Variants in CASQ2 observed in about 807,000 individuals in gnomAD.
CASQ2 encodes calsequestrin-2.
CASQ2 carries 49 observed loss-of-function variants against 46.5 expected under a neutral mutation model. The observed-to-expected ratio is 1.05, with a 90% CI of 0.84 to 1.34. The LOEUF is 1.34. CASQ2 is among the 40% of genes most tolerant of loss of function. CASQ2 has a pLI of 0.00. For missense variants in CASQ2, 486 were observed against 481.3 expected (o/e 1.01, Z -0.09); for synonymous variants, 174 against 168.5 (o/e 1.03, Z -0.25).
At chr1:115,732,717 T>C (rs1188968611) in intron 5 of CASQ2, among the ~76,000 whole-genome samples, 184 bp downstream of exon 5, 1 of 152,188 alleles carries the variant, frequency 6.6e-6, no homozygotes, top group Non-Finnish European at 1.5e-5. Context: ...TCCTCTGACT[T>C]AGTCATCTTT....
chr1:115,717,696 C>T, intron 8 of CASQ2, 144 bp downstream of exon 8: 1 of 761,572 alleles, frequency 1.3e-6, no homozygotes, highest in South Asian at 1.4e-5. Flanking sequence ...CGAACTCATA[C>T]TTAATGGGCG....
In CASQ2 at chr1:115,727,131, A is replaced by G. The variant is rs1431661490; in HGVS notation, c.607-9T>C. On this transcript the variant is annotated splice_polypyrimidine_tract_variant and intron_variant, in intron 5 of 10. Coordinates refer to ENST00000261448, the MANE Select transcript of CASQ2 (RefSeq NM_001232.4). Reference sequence around the variant, plus strand: ...GATAATTTCTTTGCAACCTGTAACCATTAGAAATAAGACAAAGTTTATTTG... The same window carrying G: ...GATAATTTCTTTGCAACCTGTAACCGTTAGAAATAAGACAAAGTTTATTTG... 9 of 1,605,358 alleles carry G rather than the reference A, an allele frequency of 5.6e-6. No individual in the cohort carries two copies. Among genetic ancestry groups the G allele is most frequent in the Non-Finnish European group, 7.7e-6 (9 of 1,172,382 alleles).
At position 115,761,519 on chromosome 1, in the gene CASQ2, A is replaced by G. The variant is rs148694705; in HGVS notation, c.234+6789T>C. ...AAGGAGAAGAAGAAGAAGAAGAAGA[A>G]GAAGAAGAAGAGTTCATAAAGTGCA... On this transcript the variant is annotated intron_variant, in intron 1 of 10. Coordinates refer to ENST00000261448, the MANE Select transcript of CASQ2 (RefSeq NM_001232.4). Among the ~76,000 whole-genome samples the G allele has an allele frequency of 5.3e-4, 58 of 109,214 alleles. 1 individual carries two copies. In the East Asian group the frequency reaches 0.017, roughly 33 times the overall value. The allele number at this position is 109,214 out of a possible 152,430, so 71.6% of individuals were successfully genotyped here.
intron 9 of CASQ2, 68 bp downstream of exon 9, chr1:115,705,124 C>T: frequency 9.8e-7 from 1 of 1,015,422 alleles, no homozygotes; most frequent in Non-Finnish European, 1.6e-6. Flanking sequence ...TTCACCTCCT[C>T]AGATGCTGAA....
intron 3 of CASQ2, 128 bp downstream of exon 3, chr1:115,740,600 T>C (rs993270740): frequency 3.3e-5 from 23 of 694,934 alleles, no homozygotes; most frequent in South Asian, 2.4e-4. Context: ...CTTAGTTTTT[T>C]GTGAATCCTG....
Position 115,740,715 on chromosome 1 carries a change from T to C in CASQ2, c.420+13A>G, listed in dbSNP as rs1648146201. On this transcript the variant is annotated intron_variant, in intron 3 of 10. Transcript: ENST00000261448. Reference sequence around the variant, plus strand: ...GGCAGCTCCATGCAGGGTCACTGTGTATAAATACTTACATCCAAGAGGAAC... The same window carrying C: ...GGCAGCTCCATGCAGGGTCACTGTGCATAAATACTTACATCCAAGAGGAAC... 1 of 1,531,876 alleles carries C rather than the reference T, an allele frequency of 6.5e-7. No homozygotes were observed. Among genetic ancestry groups the C allele is most frequent in the Non-Finnish European group, 9.1e-7 (1 of 1,104,852 alleles). The allele number at this position is 1,531,876 out of a possible 1,614,324, so 94.9% of individuals were successfully genotyped here. A position where few individuals can be genotyped will look rare whatever the true frequency, so the allele number is the denominator to read the frequency against.
At chr1:115,750,515 C>A (rs753849988) in intron 1 of CASQ2, among the ~76,000 whole-genome samples, 1 of 152,118 alleles carries the variant, frequency 6.6e-6, no homozygotes, top group Non-Finnish European at 1.5e-5. Context: ...AGGTTTTGTT[C>A]TGTTTTGTTT....
At position 115,723,293 on chromosome 1, in the gene CASQ2, A is replaced by ATGTCTATCTATTTATC. The variant is rs751196924; in HGVS notation, c.783+2214_783+2215insGATAAATAGATAGACA. On this transcript the variant is annotated intron_variant, in intron 7 of 10. Coordinates refer to ENST00000261448, the MANE Select transcript of CASQ2 (RefSeq NM_001232.4). ...ATCTATCATCTATCTATATCTCTCT[A>ATGTCTATCTATTTATC]TATCTATCTATTTATCTATCTATCT... is the stretch of plus-strand genomic sequence containing the variant. Among the ~76,000 whole-genome samples, 2 of 74,406 alleles carry ATGTCTATCTATTTATC rather than the reference A, an allele frequency of 2.7e-5. 1 individual carries two copies. Among genetic ancestry groups the ATGTCTATCTATTTATC allele is most frequent in the African/African-American group, 1.1e-4 (2 of 18,550 alleles). 48.8% of individuals were successfully genotyped at this position (74,406 alleles called of 152,430 possible).
Position 115,705,632 on chromosome 1 carries a change from A to G in CASQ2, c.839-340T>C, listed in dbSNP as rs907799723. 6.6e-5 allele frequency among the ~76,000 whole-genome samples: 10 copies of G among 152,308 alleles called. No homozygotes were observed. The East Asian group carries it at 1.3e-3, about 21-fold the overall frequency. On this transcript the variant is annotated intron_variant, in intron 8 of 10. Transcript: ENST00000261448. ...TGCCTGTCCTTACTGATCCTGTGCG[A>G]TCTCTTGAAACAGATGCTTTGCTGT...
At position 115,731,565 on chromosome 1, in the gene CASQ2, C is replaced by CT. The variant is rs1362642711; in HGVS notation, c.606+1335dup. On this transcript the variant is annotated intron_variant, in intron 5 of 10. Transcript: ENST00000261448. ...TATGAACAATGGTGCTCATAGCTGG[C>CT]TAACTATTACTGAATGCTTCCTGTG... Among the ~76,000 whole-genome samples the CT allele has an allele frequency of 7.9e-5, 12 of 152,342 alleles. No homozygotes were observed. In the East Asian group the frequency reaches 2.3e-3, roughly 29 times the overall value.
rs756636650 is a variant in CASQ2 at position 115,768,427 on chromosome 1, C to T, written c.115G>A (p.Glu39Lys). ...DGKDRVVSLS[E>K]KNFKQVLKKY... is the part of the protein sequence containing the mutation. ...TTTAAAACCTGCTTGAAGTTCTTCT[C>T]GGAAAGACTTACCACTCGGTCCTTC... The change falls in exon 1 of 11, where the codon GAG becomes AAG. Residue 39 changes from glutamate to lysine, a missense_variant. Transcript: ENST00000261448. 19 of 1,613,528 alleles carry T rather than the reference C, an allele frequency of 1.2e-5. No individual in the cohort carries two copies. The South Asian group carries it at 1.3e-4, about 11-fold the overall frequency.
intron 1 of CASQ2, among the ~76,000 whole-genome samples, chr1:115,747,697 A>T (rs1258726815): frequency 6.6e-6 from 1 of 152,214 alleles, no homozygotes. Context: ...ACATTTTGTT[A>T]GATTTATATC....
chr1:115,739,823 T>C (rs1247660099), intron 3 of CASQ2, among the ~76,000 whole-genome samples: 1 of 152,248 alleles, frequency 6.6e-6, no homozygotes, highest in Admixed American at 6.5e-5. Flanking sequence ...TTGTTTATTG[T>C]TTGAAGCAGT....
intron 2 of CASQ2, among the ~76,000 whole-genome samples, chr1:115,742,579 C>A (rs1304233242): frequency 2.6e-5 from 4 of 152,184 alleles, no homozygotes; most frequent in Non-Finnish European, 4.4e-5. Flanking sequence ...CCATCATATT[C>A]TTTGCTAGTC....
chr1:115,720,630 T>G (rs1647335511), intron 7 of CASQ2, among the ~76,000 whole-genome samples: 1 of 152,184 alleles, frequency 6.6e-6, no homozygotes, highest in East Asian at 1.9e-4. Flanking sequence ...GACCTGTATA[T>G]AAAGTAACTG....
Position 115,702,912 on chromosome 1 carries a change from G to A in CASQ2, c.1014+9C>T, listed in dbSNP as rs77775029. ...GGTGCCTGAGCAAGCCTTCACAGGG[G>A]ATACTCACATCTGTGACATTCACCA... On this transcript the variant is annotated intron_variant, in intron 10 of 10. Coordinates refer to ENST00000261448, the MANE Select transcript of CASQ2 (RefSeq NM_001232.4). 4.0e-3 allele frequency: 6,398 copies of A among 1,609,258 alleles called. 187 individuals are homozygous for A. In the African/African-American group the frequency reaches 0.067, roughly 17 times the overall value.
chr1:115,709,352 T>C lies in CASQ2; in HGVS notation c.839-4060A>G, dbSNP rs183741353. The stretch of plus-strand genomic sequence containing the variant: ...ATGTTAAGCAAGGACTAGTCCACTG[T>C]TAAAATTACATGGATGAATGACTGA... On this transcript the variant is annotated intron_variant, in intron 8 of 10. Coordinates refer to ENST00000261448, the MANE Select transcript of CASQ2 (RefSeq NM_001232.4). Among the ~76,000 whole-genome samples, 261 of 152,326 alleles carry C rather than the reference T, an allele frequency of 1.7e-3. 1 individual carries two copies. The highest frequency in any genetic ancestry group is 6.1e-3 in the African/African-American group (255 of 41,572).
chr1:115,761,469 G>A (rs1401621418), intron 1 of CASQ2, among the ~76,000 whole-genome samples: 1 of 17,070 alleles, frequency 5.9e-5, no homozygotes, highest in African/African-American at 1.8e-4. Context: ...AGAAGGAGAA[G>A]AAGAAGAAGA....
chr1:115,727,194 G>T, intron 5 of CASQ2, 72 bp from the exon 6 acceptor site: 1 of 1,176,030 alleles, frequency 8.5e-7, no homozygotes. Flanking sequence ...GTCCATCTAA[G>T]ATAAGTGTGT....
Sources: gnomAD v4.1 joint callset for allele counts (sites outside exome capture counted in the v4.1 genomes callset) on GRCh38, gnomAD v4.1.1 for gene constraint, MANE v1.5 for transcripts, NCBI Gene and HGNC (gene_info 2026-07-23, HGNC 2026-07-21) for gene names.